MYO3B: variants seen among roughly 807,000 people sequenced by gnomAD.
MYO3B encodes myosin IIIB.
A neutral mutation model predicts 174.6 loss-of-function variants in MYO3B; 156 were observed. The ratio of observed to expected loss-of-function variants is 0.89; its 90% CI spans 0.78 to 1.02. The LOEUF (loss-of-function observed/expected upper bound fraction) is 1.02, where lower values mean the gene tolerates loss of function less well. MYO3B is among the 50% of genes least tolerant of loss of function. MYO3B has a pLI of 0.00. For synonymous variants in MYO3B, 563 were observed against 569.1 expected, an observed-to-expected ratio of 0.99 and a Z score of 0.15; for missense variants, 1,632 against 1,639.4, an observed-to-expected ratio of 1.00 and a Z score of 0.08.
At chr2:170,614,680 G>T (rs976118480) in intron 32 of MYO3B, among the ~76,000 whole-genome samples, 2 of 152,196 alleles carry the variant, frequency 1.3e-5, no homozygotes, top group Non-Finnish European at 2.9e-5. Context: ...CCCAGGTGAT[G>T]TTGATGCTGC....
chr2:170,231,277 C>A (rs1353478394), intron 6 of MYO3B, among the ~76,000 whole-genome samples: 2 of 152,214 alleles, frequency 1.3e-5, no homozygotes, highest in Non-Finnish European at 2.9e-5. Context: ...ATTGCCTCAA[C>A]AATTGAAGAC....
intron 25 of MYO3B, among the ~76,000 whole-genome samples, chr2:170,489,875 T>A (rs567725572): frequency 6.6e-6 from 1 of 152,202 alleles, no homozygotes; most frequent in South Asian, 2.1e-4. Flanking sequence ...AAACATGATA[T>A]CTCTCTCCAT....
chr2:170,629,925 G>A (rs548118523), intron 32 of MYO3B, among the ~76,000 whole-genome samples: 11 of 150,518 alleles, frequency 7.3e-5, no homozygotes, highest in Non-Finnish European at 1.6e-4. Flanking sequence ...TAATATTAAT[G>A]ATCTGATTTC....
intron 28 of MYO3B, among the ~76,000 whole-genome samples, chr2:170,512,515 G>C (rs963406069): frequency 6.6e-6 from 1 of 152,090 alleles, no homozygotes; most frequent in Non-Finnish European, 1.5e-5. Flanking sequence ...CATTATGAGG[G>C]CAGGAACGTT....
Position 170,369,269 on chromosome 2 carries a change from T to G in MYO3B, c.863T>G (p.Leu288Arg). Residue 288 changes from leucine (L) to arginine (R), a missense_variant, in exon 9 of 35, where the codon CTT (leucine) becomes CGT (arginine). Coordinates refer to ENST00000408978, the MANE Select transcript of MYO3B (RefSeq NM_138995.5). ...AGGCGACCTTCCGTCACACATCTCC[T>G]TGACCACCCATTTATTAAAGGAGTA... ...FERRPSVTHL[L>R]DHPFIKGVHG... 2 of 1,613,830 alleles carry G rather than the reference T, an allele frequency of 1.2e-6. No homozygotes were observed. Among genetic ancestry groups the G allele is most frequent in the Non-Finnish European group, 1.7e-6 (2 of 1,179,794 alleles).
At position 170,551,538 on chromosome 2, in the gene MYO3B, C is replaced by CA. The variant is rs3072763; in HGVS notation, c.3733+7579dup. On this transcript the variant is annotated intron_variant, in intron 32 of 34. Coordinates refer to ENST00000408978, the MANE Select transcript of MYO3B (RefSeq NM_138995.5). Reference sequence around the variant, plus strand: ...ATAATGTTTGTTCCCTGACTTTTTGCAAAAAAAAAAAAAAAAAAAAAAAAA... The same window carrying CA: ...ATAATGTTTGTTCCCTGACTTTTTGCAAAAAAAAAAAAAAAAAAAAAAAAAA... Among the ~76,000 whole-genome samples the CA allele has an allele frequency of 1.6e-3, 92 of 56,198 alleles. 4 individuals are homozygous for CA. The highest frequency in any genetic ancestry group is 2.9e-3 in the South Asian group (2 of 700). 36.9% of individuals were successfully genotyped at this position (56,198 alleles called of 152,430 possible).
intron 6 of MYO3B, among the ~76,000 whole-genome samples, chr2:170,230,206 G>A (rs2092999224): frequency 7.0e-6 from 1 of 142,836 alleles, no homozygotes; most frequent in Non-Finnish European, 1.5e-5. Flanking sequence ...GTCTTGCTCT[G>A]TTACCCAGGC....
At position 170,200,154 on chromosome 2, in the gene MYO3B, T is replaced by C. The variant is rs1240607283; in HGVS notation, c.191T>C (p.Met64Thr). 2.5e-6 allele frequency: 4 copies of C among 1,612,378 alleles called. No homozygotes were observed. The highest frequency in any genetic ancestry group is 1.3e-5 in the African/African-American group (1 of 74,850). The change falls in exon 3 of 35, where the codon ATG (methionine) becomes ACG (threonine). Residue 64 changes from methionine to threonine, a missense_variant. Physicochemically the swap from Met to Thr is moderately conservative, Grantham distance 81. Coordinates refer to ENST00000408978, the MANE Select transcript of MYO3B (RefSeq NM_138995.5). The stretch of plus-strand genomic sequence containing the variant: ...GCATTTTTCTACCCTGTTTAGGATA[T>C]GGATGAAGAAATTGAGGCAGAATAC... ...AVKILDPVSDMDEEIEAEYNI... is the reference protein window; with the variant it reads ...AVKILDPVSDTDEEIEAEYNI...
chr2:170,525,446 T>C (rs1471349681), intron 30 of MYO3B, among the ~76,000 whole-genome samples: 1 of 152,238 alleles, frequency 6.6e-6, no homozygotes, highest in East Asian at 1.9e-4. Context: ...GGCAAAGCTC[T>C]CACAAGGCTT....
At chr2:170,470,067 C>T (rs1375887727) in intron 25 of MYO3B, among the ~76,000 whole-genome samples, 1 of 144,456 alleles carries the variant, frequency 6.9e-6, no homozygotes. Flanking sequence ...GTGCCATTGC[C>T]CTCCAGCCTG....
chr2:170,202,698 G>A (rs894183557), intron 3 of MYO3B, among the ~76,000 whole-genome samples: 2 of 152,180 alleles, frequency 1.3e-5, no homozygotes, highest in Non-Finnish European at 2.9e-5. Context: ...CACACACACA[G>A]AGCTGGATGA....
Position 170,655,112 on chromosome 2 carries a change from C to T in MYO3B, c.*1991C>T, listed in dbSNP as rs1699209304. The T allele has an allele frequency of 6.6e-6, 1 of 152,124 alleles. No individual in the cohort carries two copies. The highest frequency in any genetic ancestry group is 1.5e-5 in the Non-Finnish European group (1 of 68,028). The allele number at this position is 152,124 out of a possible 1,614,324, so 9.4% of individuals were successfully genotyped here. On this transcript the variant is annotated 3_prime_UTR_variant, in exon 35 of 35. Coordinates refer to ENST00000408978, the MANE Select transcript of MYO3B (RefSeq NM_138995.5). ...TGTCCGTGCACAATGTAATTCTAAACCTGGCTTGTTTCTCATTTAAATATA... is the reference window on the plus strand; with the variant it reads ...TGTCCGTGCACAATGTAATTCTAAATCTGGCTTGTTTCTCATTTAAATATA...
chr2:170,219,199 C>T (rs2092864045), intron 6 of MYO3B, among the ~76,000 whole-genome samples: 1 of 152,248 alleles, frequency 6.6e-6, no homozygotes, highest in Non-Finnish European at 1.5e-5. Flanking sequence ...CCCTAAGTTT[C>T]CACCACGTCC....
chr2:170,178,402 C>T, intron 1 of MYO3B, 113 bp downstream of exon 1: 1 of 1,352,544 alleles, frequency 7.4e-7, no homozygotes, highest in African/African-American at 1.4e-5. Context: ...GGGATGACAG[C>T]CACTCTGGCT....
intron 22 of MYO3B, among the ~76,000 whole-genome samples, chr2:170,421,836 T>C (rs1200999813): frequency 6.6e-6 from 1 of 152,200 alleles, no homozygotes; most frequent in Admixed American, 6.5e-5. Context: ...GTTGCCTTTT[T>C]CCCCCATCCC....
intron 25 of MYO3B, among the ~76,000 whole-genome samples, chr2:170,482,878 C>T (rs780291655): frequency 6.6e-6 from 1 of 152,226 alleles, no homozygotes; most frequent in Non-Finnish European, 1.5e-5. Context: ...TCTACTTATT[C>T]TTATGGGGCA....
chr2:170,392,388 G>A lies in MYO3B; in HGVS notation c.1684G>A (p.Ala562Thr). The A allele has an allele frequency of 6.3e-7, 1 of 1,598,014 alleles. No individual in the cohort carries two copies. Among genetic ancestry groups the A allele is most frequent in the Non-Finnish European group, 8.5e-7 (1 of 1,169,870 alleles). Reference sequence around the variant, plus strand: ...ATGCTCCACTTCATTTAGGTACATAGCTGATGAAACTGGAAGGGTGATGCA... The same window carrying A: ...ATGCTCCACTTCATTTAGGTACATAACTGATGAAACTGGAAGGGTGATGCA... Reference protein sequence around the residue: ...LPEEKPPRYIADETGRVMHDI... With the variant: ...LPEEKPPRYITDETGRVMHDI... Residue 562 changes from alanine (A) to threonine (T), a missense_variant, in exon 16 of 35, where the codon GCT becomes ACT. Ala to Thr is a moderately conservative substitution (Grantham distance 58). Transcript: ENST00000408978.
chr2:170,527,681 C>T (rs1689091102), intron 30 of MYO3B, among the ~76,000 whole-genome samples: 1 of 152,176 alleles, frequency 6.6e-6, no homozygotes, highest in Non-Finnish European at 1.5e-5. Context: ...CTGTTCTGGC[C>T]CAGGTTTGTG....
At chr2:170,536,497 T>C (rs1204324829) in intron 30 of MYO3B, among the ~76,000 whole-genome samples, 2 of 152,218 alleles carry the variant, frequency 1.3e-5, no homozygotes, top group African/African-American at 4.8e-5. Context: ...TGAGAAAAAG[T>C]AATACAAAAG....
Sources: gnomAD v4.1 joint callset for allele counts (sites outside exome capture counted in the v4.1 genomes callset) on GRCh38, gnomAD v4.1.1 for gene constraint, MANE v1.5 for transcripts, NCBI Gene and HGNC (gene_info 2026-07-23, HGNC 2026-07-21) for gene names.